BMP6: variants seen among roughly 807,000 people sequenced by gnomAD.
The protein encoded by BMP6 is VG-1-R.
A neutral mutation model predicts 54.1 loss-of-function variants in BMP6; 17 were observed. The ratio of observed to expected loss-of-function variants is 0.31; its 90% CI spans 0.22 to 0.47. BMP6 has a LOEUF of 0.47. Among genes scored for constraint, BMP6 ranks in the 20% least tolerant of loss-of-function variants. The pLI is 1.00. For synonymous variants in BMP6, 328 were observed against 291.2 expected (o/e 1.13, Z -1.28); for missense variants, 720 against 690.4 (o/e 1.04, Z -0.48).
chr6:7,736,586 T>A (rs1207165644), intron 1 of BMP6, among the ~76,000 whole-genome samples: 1 of 152,194 alleles, frequency 6.6e-6, no homozygotes, highest in African/African-American at 2.4e-5. Context: ...GTAAGTGATA[T>A]ATCGAATAGG....
chr6:7,824,368 A>G (rs1241055108), intron 1 of BMP6, among the ~76,000 whole-genome samples: 1 of 152,192 alleles, frequency 6.6e-6, no homozygotes, highest in Non-Finnish European at 1.5e-5. Flanking sequence ...GTTCTCCTTG[A>G]GGCCATTGTG....
intron 1 of BMP6, among the ~76,000 whole-genome samples, chr6:7,796,482 C>T (rs1364578162): frequency 1.3e-5 from 2 of 152,236 alleles, no homozygotes; most frequent in African/African-American, 2.4e-5. Context: ...GCATCACCCC[C>T]TTCCTCATCT....
At chr6:7,727,844 G>A (rs1761772619) in intron 1 of BMP6, among the ~76,000 whole-genome samples, 3 of 151,478 alleles carry the variant, frequency 2.0e-5, no homozygotes, top group Admixed American at 1.3e-4. Context: ...GGCCCCCAGA[G>A]GCGGCTGGCC....
chr6:7,749,173 T>A (rs1757387423), intron 1 of BMP6, among the ~76,000 whole-genome samples: 1 of 152,254 alleles, frequency 6.6e-6, no homozygotes, highest in Non-Finnish European at 1.5e-5. Context: ...GGATTCCACG[T>A]CACCAATATG....
chr6:7,859,037 C>T (rs887424532), intron 2 of BMP6, among the ~76,000 whole-genome samples: 13 of 152,104 alleles, frequency 8.5e-5, no homozygotes, highest in African/African-American at 3.1e-4. Flanking sequence ...GGGCTCTCCA[C>T]ATCCACGAAT....
At chr6:7,856,132 A>AAAAAT in intron 2 of BMP6, among the ~76,000 whole-genome samples, 1 of 150,970 alleles carries the variant, frequency 6.6e-6, no homozygotes, top group Non-Finnish European at 1.5e-5. Context: ...AAAAAAAAAA[A>AAAAAT]AAAAAAAAAA....
At chr6:7,852,777 A>G (rs576160328) in intron 2 of BMP6, among the ~76,000 whole-genome samples, 1 of 152,276 alleles carries the variant, frequency 6.6e-6, no homozygotes, top group African/African-American at 2.4e-5. Context: ...TCCTCGTCCC[A>G]TATAAACACA....
At chr6:7,771,980 G>A (rs142309061) in intron 1 of BMP6, among the ~76,000 whole-genome samples, 324 of 152,008 alleles carry the variant, frequency 2.1e-3, no homozygotes, top group Non-Finnish European at 2.6e-3. Context: ...CTTGAACCTG[G>A]GAGGTGGAGG....
intron 1 of BMP6, among the ~76,000 whole-genome samples, chr6:7,762,549 T>C (rs189533264): frequency 1.3e-5 from 2 of 152,340 alleles, no homozygotes; most frequent in Admixed American, 6.5e-5. Flanking sequence ...ATATATAACA[T>C]ATATACATAT....
At chr6:7,875,977 G>C (rs1038642163) in intron 4 of BMP6, among the ~76,000 whole-genome samples, 2 of 152,154 alleles carry the variant, frequency 1.3e-5, no homozygotes, top group Non-Finnish European at 2.9e-5. Flanking sequence ...ACACTGCAGG[G>C]TGGAGACATT....
intron 1 of BMP6, among the ~76,000 whole-genome samples, chr6:7,737,689 A>T (rs1388792661): frequency 6.6e-6 from 1 of 150,816 alleles, no homozygotes; most frequent in Non-Finnish European, 1.5e-5. Flanking sequence ...ACTCCATTGC[A>T]CTTATTTCCA....
rs1286200554 is a variant in BMP6, at chr6:7,779,441, T to G, written c.664+51822T>G. Among the ~76,000 whole-genome samples, 7 of 152,158 alleles carry G rather than the reference T, an allele frequency of 4.6e-5. No homozygotes were observed. The East Asian group carries it at 1.2e-3, about 25-fold the overall frequency. ...TCAACCTCCACCTCCCAGGTTCAAG[T>G]GATTCTCCTACCTCAGCCTCCCGAG... On this transcript the variant is annotated intron_variant, in intron 1 of 6. Coordinates refer to ENST00000283147, the MANE Select transcript of BMP6 (RefSeq NM_001718.6).
At chr6:7,805,888 G>A (rs1329748772) in intron 1 of BMP6, among the ~76,000 whole-genome samples, 13 of 152,194 alleles carry the variant, frequency 8.5e-5, no homozygotes. Flanking sequence ...AGTAAGCGAG[G>A]TCATCATAGA....
chr6:7,852,473 A>G (rs1759158335), intron 2 of BMP6, among the ~76,000 whole-genome samples: 1 of 152,242 alleles, frequency 6.6e-6, no homozygotes, highest in African/African-American at 2.4e-5. Flanking sequence ...GCTCCTCAGG[A>G]GGCTGAGGTA....
chr6:7,879,280 A>T, intron 5 of BMP6, 130 bp downstream of exon 5: 4 of 965,284 alleles, frequency 4.1e-6, no homozygotes, highest in Non-Finnish European at 6.4e-6. Flanking sequence ...GGAAGTCCTG[A>T]GGAGCCCTCC....
chr6:7,843,503 A>G (rs1273998406), intron 1 of BMP6, among the ~76,000 whole-genome samples: 1 of 151,634 alleles, frequency 6.6e-6, no homozygotes, highest in Non-Finnish European at 1.5e-5. Flanking sequence ...TATGAAAAAC[A>G]ACATGTGTAA....
At chr6:7,817,697 C>T (rs530617475) in intron 1 of BMP6, among the ~76,000 whole-genome samples, 2 of 151,898 alleles carry the variant, frequency 1.3e-5, no homozygotes, top group African/African-American at 4.8e-5. Context: ...ACATTGTGCA[C>T]ATGTACCCTA....
At chr6:7,872,031 T>A (rs1383624453) in intron 4 of BMP6, among the ~76,000 whole-genome samples, 1 of 152,200 alleles carries the variant, frequency 6.6e-6, no homozygotes, top group Non-Finnish European at 1.5e-5. Context: ...CTCCTCTGTC[T>A]TGGGTCAGCT....
chr6:7,857,727 G>A lies in BMP6; in HGVS notation c.858-3724G>A, dbSNP rs186784559. 4.6e-3 allele frequency among the ~76,000 whole-genome samples: 701 copies of A among 152,370 alleles called. 8 individuals carry two copies. Among genetic ancestry groups the A allele is most frequent in the African/African-American group, 0.016 (662 of 41,586 alleles). ...ACAGTCCGCAGACTAGGAAGGCCATGTATCCCTGAGGAAACATTAGTACAT... is the reference window on the plus strand; with the variant it reads ...ACAGTCCGCAGACTAGGAAGGCCATATATCCCTGAGGAAACATTAGTACAT... On this transcript the variant is annotated intron_variant, in intron 2 of 6. Transcript: ENST00000283147.
Sources: allele counts gnomAD v4.1 joint callset (sites outside exome capture counted in the v4.1 genomes callset), GRCh38; gene constraint gnomAD v4.1.1; transcripts MANE v1.5; gene names NCBI Gene and HGNC (gene_info 2026-07-23, HGNC 2026-07-21).